The following TDRD9 variants were observed in gnomAD, a reference collection of about 807,000 sequenced individuals.
The protein encoded by TDRD9 is ATP-dependent RNA helicase TDRD9.
In TDRD9, 124 loss-of-function variants were observed where a neutral mutation model predicts 172.6. The observed-to-expected ratio is 0.72, with a 90% CI of 0.62 to 0.83. The LOEUF (loss-of-function observed/expected upper bound fraction) is 0.83. Among genes scored for constraint, TDRD9 ranks in the 40% least tolerant of loss-of-function variants. The pLI is 0.00. For missense variants in TDRD9, 1,479 were observed against 1,714.1 expected (o/e 0.86, Z 2.42); for synonymous variants, 619 against 617.1 (o/e 1.00, Z -0.05).
chr14:103,972,311 A>C (rs1244523124), intron 6 of TDRD9, among the ~76,000 whole-genome samples: 5 of 152,206 alleles, frequency 3.3e-5, no homozygotes, highest in East Asian at 3.8e-4. Context: ...CATTTAAAAA[A>C]AAAAACAAAA....
chr14:103,963,235 A>G, intron 3 of TDRD9, 59 bp downstream of exon 3: 1 of 1,252,128 alleles, frequency 8.0e-7, no homozygotes, highest in Admixed American at 2.4e-5. Flanking sequence ...GAGGCCCAAT[A>G]CTTTTGGTTT....
In TDRD9 at chr14:104,006,718, C is replaced by G. The variant is rs2034451074; in HGVS notation, c.1943+9C>G. 6.2e-7 allele frequency: 1 copy of G among 1,613,662 alleles called. No homozygotes were observed. Among genetic ancestry groups the G allele is most frequent in the South Asian group, 1.1e-5 (1 of 91,046 alleles). Reference sequence around the variant, plus strand: ...CATCTCGATGGATATAGGTACTGAACATTCATATTTTAAAGTGTCACTGTA... The same window carrying G: ...CATCTCGATGGATATAGGTACTGAAGATTCATATTTTAAAGTGTCACTGTA... On this transcript the variant is annotated intron_variant, in intron 17 of 35. Coordinates refer to ENST00000409874, the MANE Select transcript of TDRD9 (RefSeq NM_153046.3).
At chr14:104,019,358 T>A (rs2034885017) in intron 23 of TDRD9, among the ~76,000 whole-genome samples, 1 of 152,136 alleles carries the variant, frequency 6.6e-6, no homozygotes, top group Non-Finnish European at 1.5e-5. Context: ...TTTTTTGTTT[T>A]ATTATTTTTA....
At chr14:103,977,492 CAAAAAAAAAAA>C (rs57634354) in intron 7 of TDRD9, among the ~76,000 whole-genome samples, 3 of 53,190 alleles carry the variant, frequency 5.6e-5, no homozygotes, top group South Asian at 2.7e-3. Flanking sequence ...GACTCCATCT[CAAAAAAAAAAA>C]AAAAAAAAAA....
At chr14:103,943,240 C>T (rs1595897601) in intron 1 of TDRD9, among the ~76,000 whole-genome samples, 1 of 151,856 alleles carries the variant, frequency 6.6e-6, no homozygotes, top group African/African-American at 2.4e-5. Flanking sequence ...AAGTGATCCT[C>T]CCACCTCAGC....
At position 103,947,287 on chromosome 14, in the gene TDRD9, TG is replaced by T. The variant is rs376226690; in HGVS notation, c.216-8376del. ...ACCAATTAAGGGGAAAAGGACAGTT[TG>T]TTTTTTTTGTTTGTTTGTTTGTTTT... On this transcript the variant is annotated intron_variant, in intron 1 of 35. Coordinates refer to ENST00000409874, the MANE Select transcript of TDRD9 (RefSeq NM_153046.3). Among the ~76,000 whole-genome samples, 383 of 152,176 alleles carry T rather than the reference TG, an allele frequency of 2.5e-3. 3 individuals are homozygous for T. In the Middle Eastern group the frequency reaches 0.027, roughly 11 times the overall value.
At chr14:104,002,898 T>G (rs575624389) in intron 13 of TDRD9, among the ~76,000 whole-genome samples, 2 of 152,072 alleles carry the variant, frequency 1.3e-5, no homozygotes, top group African/African-American at 4.8e-5. Flanking sequence ...GCCTGTCTAA[T>G]TTTTGTATTT....
intron 1 of TDRD9, among the ~76,000 whole-genome samples, chr14:103,946,896 A>C (rs1309297355): frequency 1.3e-5 from 2 of 152,218 alleles, no homozygotes; most frequent in Non-Finnish European, 2.9e-5. Flanking sequence ...TTAAAAACAT[A>C]AGTAAATGGA....
chr14:103,998,895 C>T (rs2034156903), intron 13 of TDRD9, among the ~76,000 whole-genome samples, 167 bp downstream of exon 13: 1 of 151,946 alleles, frequency 6.6e-6, no homozygotes, highest in East Asian at 1.9e-4. Context: ...CGGGTTCTTG[C>T]CATTCTCCTG....
Position 103,999,644 on chromosome 14 carries a change from A to ATTT in TDRD9, c.1483+916_1483+917insTTT, listed in dbSNP as rs1566771663. On this transcript the variant is annotated intron_variant, in intron 13 of 35. Coordinates refer to ENST00000409874, the MANE Select transcript of TDRD9 (RefSeq NM_153046.3). ...CTTTTTTTTTTGTTTGTTTTTTAGA[A>ATTT]AACCTTTTGGGAAGGGTAGATAAAA... 5.2e-3 allele frequency among the ~76,000 whole-genome samples: 601 copies of ATTT among 116,584 alleles called. 7 individuals carry two copies. Among genetic ancestry groups the ATTT allele is most frequent in the Middle Eastern group, 0.013 (3 of 224 alleles). 76.5% of individuals were successfully genotyped at this position (116,584 alleles called of 152,430 possible).
chr14:104,037,322 T>A (rs759745516), intron 32 of TDRD9, among the ~76,000 whole-genome samples: 1 of 152,190 alleles, frequency 6.6e-6, no homozygotes, highest in South Asian at 2.1e-4. Flanking sequence ...ACCTCTCTAA[T>A]GCGCACCCGC....
At chr14:103,933,979 A>G (rs952870179) in intron 1 of TDRD9, among the ~76,000 whole-genome samples, 1 of 151,922 alleles carries the variant, frequency 6.6e-6, no homozygotes, top group Non-Finnish European at 1.5e-5. Context: ...ATGTTAGTGT[A>G]TGACTCTGTA....
At chr14:104,021,599 A>G (rs1322163121) in intron 23 of TDRD9, among the ~76,000 whole-genome samples, 2 of 152,210 alleles carry the variant, frequency 1.3e-5, no homozygotes, top group East Asian at 3.8e-4. Flanking sequence ...AGGCTGAAGC[A>G]GGAGAATCTC....
chr14:104,049,756 C>T, intron 35 of TDRD9, 76 bp downstream of exon 35: 2 of 1,308,114 alleles, frequency 1.5e-6, no homozygotes, highest in South Asian at 1.3e-5. Flanking sequence ...ACCCAGGGTT[C>T]AGAGCCAGGG....
At chr14:103,965,901 C>T (rs1025174838) in intron 4 of TDRD9, among the ~76,000 whole-genome samples, 4 of 147,636 alleles carry the variant, frequency 2.7e-5, no homozygotes, top group Non-Finnish European at 6.0e-5. Context: ...GCCAAGCTTG[C>T]GCCACTGCAC....
chr14:104,031,276 G>T lies in TDRD9; in HGVS notation c.3438+13G>T. The T allele has an allele frequency of 6.5e-7, 1 of 1,542,630 alleles. No individual in the cohort carries two copies. Among genetic ancestry groups the T allele is most frequent in the Admixed American group, 2.1e-5 (1 of 48,558 alleles). ...TCCAAACTGTAAGGTGATTGTAGGA[G>T]TTTTAAAATGTAATTTAAAAGCTTA... On this transcript the variant is annotated intron_variant, in intron 29 of 35. Coordinates refer to ENST00000409874, the MANE Select transcript of TDRD9 (RefSeq NM_153046.3).
rs1306922591 is a variant in TDRD9 at position 104,038,855 on chromosome 14, AG to A, written c.3717-1340del. On this transcript the variant is annotated intron_variant, in intron 32 of 35. Transcript: ENST00000409874. Reference sequence around the variant, plus strand: ...TGGCTAATTTTTGTATTTTTAGTAGAGAAGGGGTTTCGCCCTGTTGGCCAGG... The same window carrying A: ...TGGCTAATTTTTGTATTTTTAGTAGAAAGGGGTTTCGCCCTGTTGGCCAGG... Among the ~76,000 whole-genome samples the A allele has an allele frequency of 2.0e-5, 3 of 152,204 alleles. No individual in the cohort carries two copies. The East Asian group carries it at 5.8e-4, about 29-fold the overall frequency.
chr14:103,991,949 T>G (rs182250088), intron 9 of TDRD9, among the ~76,000 whole-genome samples: 69 of 152,234 alleles, frequency 4.5e-4, no homozygotes, highest in Admixed American at 4.4e-3. Context: ...AAGGCAGTTT[T>G]GCCACCTTCG....
At chr14:103,951,936 T>G (rs2031895337) in intron 1 of TDRD9, among the ~76,000 whole-genome samples, 1 of 150,264 alleles carries the variant, frequency 6.7e-6, no homozygotes, top group Non-Finnish European at 1.5e-5. Context: ...CAGGCTAATT[T>G]TTTTTGTATT....
Sources: allele counts gnomAD v4.1 joint callset (sites outside exome capture counted in the v4.1 genomes callset), GRCh38; gene constraint gnomAD v4.1.1; transcripts MANE v1.5; gene names NCBI Gene and HGNC (gene_info 2026-07-23, HGNC 2026-07-21).